PTPRD: variants seen among roughly 807,000 people sequenced by gnomAD.
PTPRD encodes the protein receptor-type tyrosine-protein phosphatase delta.
In PTPRD, 34 loss-of-function variants were observed where a neutral mutation model predicts 214.5. That is an observed-to-expected ratio of 0.16 (90% CI 0.12 to 0.21). The LOEUF is 0.21. Ranked by LOEUF, PTPRD falls within the 10% of genes least tolerant of loss-of-function variation. The pLI is 1.00. For missense variants in PTPRD, 2,545 were observed against 2,398.7 expected (o/e 1.06, Z -1.27); for synonymous variants, 1,128 against 845.7 (o/e 1.33, Z -5.79).
At chr9:8,585,506 A>C (rs2154258054) in intron 14 of PTPRD, among the ~76,000 whole-genome samples, 1 of 152,312 alleles carries the variant, frequency 6.6e-6, no homozygotes, top group African/African-American at 2.4e-5. Context: ...CACCATAAAA[A>C]TGTGTAAGAA....
At chr9:10,484,538 G>T (rs1310695440) in intron 2 of PTPRD, among the ~76,000 whole-genome samples, 1 of 151,944 alleles carries the variant, frequency 6.6e-6, no homozygotes, top group Non-Finnish European at 1.5e-5. Flanking sequence ...CCATATCCTT[G>T]TTGAGTATTT....
intron 35 of PTPRD, among the ~76,000 whole-genome samples, chr9:8,407,634 A>T (rs1564596348): frequency 6.6e-6 from 1 of 152,176 alleles, no homozygotes; most frequent in African/African-American, 2.4e-5. Context: ...TTTCTTCCCA[A>T]CTTATCAGCC....
At chr9:10,153,296 AAAT>A (rs1312387740) in intron 3 of PTPRD, among the ~76,000 whole-genome samples, 9 of 152,020 alleles carry the variant, frequency 5.9e-5, no homozygotes, top group African/African-American at 2.2e-4. Context: ...TTGTCATTAA[AAAT>A]AAATTAAATA....
chr9:10,380,063 G>A (rs985384045), intron 2 of PTPRD, among the ~76,000 whole-genome samples: 2 of 152,128 alleles, frequency 1.3e-5, no homozygotes, highest in South Asian at 2.1e-4. Flanking sequence ...GGCCTCAAGC[G>A]ATCCTCCTGC....
intron 3 of PTPRD, among the ~76,000 whole-genome samples, chr9:10,083,022 TTTC>T (rs1352721511): frequency 6.6e-6 from 1 of 152,012 alleles, no homozygotes; most frequent in Non-Finnish European, 1.5e-5. Context: ...CCTCTTTAAT[TTTC>T]TTATTTGATT....
chr9:9,615,881 C>G (rs1189983957), intron 7 of PTPRD, among the ~76,000 whole-genome samples: 1 of 152,118 alleles, frequency 6.6e-6, no homozygotes, highest in African/African-American at 2.4e-5. Flanking sequence ...AAAACAAGTC[C>G]TCTCTCAATA....
At chr9:9,654,421 C>CAT (rs144274666) in intron 7 of PTPRD, among the ~76,000 whole-genome samples, 1 of 151,852 alleles carries the variant, frequency 6.6e-6, no homozygotes, top group Non-Finnish European at 1.5e-5. Context: ...TACATATATA[C>CAT]ATATATATGT....
At chr9:8,751,188 C>G (rs1339459431) in intron 11 of PTPRD, among the ~76,000 whole-genome samples, 1 of 152,126 alleles carries the variant, frequency 6.6e-6, no homozygotes, top group Non-Finnish European at 1.5e-5. Context: ...AATCAAATGA[C>G]TTTTTTTCTC....
intron 9 of PTPRD, among the ~76,000 whole-genome samples, chr9:9,186,624 GTCTCTC>G (rs2099931694): frequency 1.2e-5 from 1 of 83,558 alleles, no homozygotes; most frequent in Non-Finnish European, 2.4e-5. Flanking sequence ...CTCTCTCTCT[GTCTCTC>G]CCTCTCTCTC....
At chr9:9,740,624 A>G (rs1355089641) in intron 6 of PTPRD, among the ~76,000 whole-genome samples, 2 of 152,028 alleles carry the variant, frequency 1.3e-5, no homozygotes, top group Non-Finnish European at 2.9e-5. Flanking sequence ...GCTCCCTTTC[A>G]AAGTGCTGGG....
At chr9:10,317,995 AT>A (rs1445778906) in intron 3 of PTPRD, among the ~76,000 whole-genome samples, 1 of 152,024 alleles carries the variant, frequency 6.6e-6, no homozygotes, top group African/African-American at 2.4e-5. Context: ...TTTATCTAAA[AT>A]TTAACTATTT....
intron 10 of PTPRD, among the ~76,000 whole-genome samples, chr9:9,164,850 TAAAACAAAACAAAAC>T (rs80164907): frequency 3.6e-4 from 53 of 147,014 alleles, no homozygotes; most frequent in South Asian, 2.4e-3. Flanking sequence ...CTGTCTCTAC[TAAAACAAAACAAAAC>T]AAAACAAAAC....
intron 3 of PTPRD, among the ~76,000 whole-genome samples, chr9:10,185,750 T>C (rs1347908877): frequency 6.6e-6 from 1 of 152,164 alleles, no homozygotes; most frequent in African/African-American, 2.4e-5. Flanking sequence ...GGTTTTTTTT[T>C]TCCCTGTTGT....
intron 9 of PTPRD, among the ~76,000 whole-genome samples, chr9:9,190,882 TG>T (rs2099934715): frequency 6.6e-6 from 1 of 152,060 alleles, no homozygotes. Flanking sequence ...GATGAGACTT[TG>T]GGGGACTGTT....
chr9:10,387,985 C>T (rs1017343407), intron 2 of PTPRD, among the ~76,000 whole-genome samples: 3 of 151,354 alleles, frequency 2.0e-5, no homozygotes, highest in African/African-American at 4.8e-5. Flanking sequence ...TTAGAGTTGT[C>T]TCAAGCATTG....
At chr9:8,911,824 A>G (rs1290085308) in intron 11 of PTPRD, among the ~76,000 whole-genome samples, 1 of 152,216 alleles carries the variant, frequency 6.6e-6, no homozygotes, top group Non-Finnish European at 1.5e-5. Context: ...CTTCAATAAG[A>G]TAAACAACTC....
intron 8 of PTPRD, among the ~76,000 whole-genome samples, chr9:9,507,962 T>C (rs1457248987): frequency 6.6e-6 from 1 of 151,534 alleles, no homozygotes; most frequent in African/African-American, 2.4e-5. Context: ...CTCTTAAAAA[T>C]CTATATTCTT....
intron 5 of PTPRD, among the ~76,000 whole-genome samples, chr9:9,862,648 T>C (rs985492209): frequency 6.6e-6 from 1 of 150,876 alleles, no homozygotes; most frequent in Admixed American, 6.6e-5. Flanking sequence ...GTAGAAATAC[T>C]TGTTGTGGTG....
chr9:10,004,799 A>C (rs1162015270), intron 4 of PTPRD, among the ~76,000 whole-genome samples: 3 of 152,144 alleles, frequency 2.0e-5, no homozygotes, highest in Admixed American at 6.6e-5. Context: ...TGTATTCAAT[A>C]AATAATGCAA....
Sources: gnomAD v4.1 joint callset for allele counts (sites outside exome capture counted in the v4.1 genomes callset) on GRCh38, gnomAD v4.1.1 for gene constraint, MANE v1.5 for transcripts, NCBI Gene and HGNC (gene_info 2026-07-23, HGNC 2026-07-21) for gene names.